Variants in SPOCK1 observed in about 807,000 individuals in gnomAD.
SPOCK1 encodes the protein SPARC (osteonectin), cwcv and kazal like domains proteoglycan 1, also known as testican-1.
In SPOCK1, 23 loss-of-function variants were observed where a neutral mutation model predicts 55.3. The ratio of observed to expected loss-of-function variants is 0.42; its 90% confidence interval spans 0.30 to 0.59. SPOCK1 has a LOEUF of 0.59. SPOCK1 is among the 20% of genes least tolerant of loss of function. The pLI is 0.22. For missense variants in SPOCK1, 499 were observed against 552.5 expected, an observed-to-expected ratio of 0.90 and a Z score of 0.97; for synonymous variants, 226 against 221.0, an observed-to-expected ratio of 1.02 and a Z score of -0.20.
chr5:137,435,629 T>C (rs866307842), intron 2 of SPOCK1, among the ~76,000 whole-genome samples: 1 of 152,192 alleles, frequency 6.6e-6, no homozygotes, highest in Admixed American at 6.5e-5. Flanking sequence ...TTTCTTTAAG[T>C]AAAGTGGGAG....
intron 2 of SPOCK1, among the ~76,000 whole-genome samples, chr5:137,474,316 G>A (rs934603418): frequency 9.2e-5 from 14 of 152,094 alleles, no homozygotes; most frequent in Non-Finnish European, 1.5e-4. Flanking sequence ...TGTATACACC[G>A]TAGAATACAA....
At chr5:137,003,091 TA>T (rs1409946176) in intron 6 of SPOCK1, among the ~76,000 whole-genome samples, 1 of 152,208 alleles carries the variant, frequency 6.6e-6, no homozygotes, top group East Asian at 1.9e-4. Flanking sequence ...ATACCATTTC[TA>T]AATCATAAAT....
intron 3 of SPOCK1, among the ~76,000 whole-genome samples, chr5:137,205,122 C>T (rs2127078354): frequency 6.6e-6 from 1 of 152,250 alleles, no homozygotes; most frequent in South Asian, 2.1e-4. Flanking sequence ...GTTGATCTCC[C>T]CACTAGACTA....
At chr5:137,305,001 G>A (rs772295002) in intron 2 of SPOCK1, among the ~76,000 whole-genome samples, 5 of 152,178 alleles carry the variant, frequency 3.3e-5, no homozygotes, top group Admixed American at 2.6e-4. Context: ...CAAAGCGTTG[G>A]CAGAGCCACA....
At chr5:137,348,789 T>C (rs1561511552) in intron 2 of SPOCK1, among the ~76,000 whole-genome samples, 1 of 152,038 alleles carries the variant, frequency 6.6e-6, no homozygotes, top group South Asian at 2.1e-4. Flanking sequence ...TAGAGAAAAA[T>C]AGCACAACAT....
In SPOCK1 at chr5:137,067,877, C is replaced by T. The variant is rs1752540179; in HGVS notation, c.475-48G>A. The T allele has an allele frequency of 2.0e-6, 3 of 1,494,734 alleles. No homozygotes were observed. In the South Asian group the frequency reaches 3.4e-5, roughly 17 times the overall value. The allele number at this position is 1,494,734 out of a possible 1,614,324, so 92.6% of individuals were successfully genotyped here. The stretch of plus-strand genomic sequence containing the variant: ...GTCTTAAGAATGCAGCCATAACAGA[C>T]CCCTACCCCGCCTCCTAAGAAACAG... On this transcript the variant is annotated intron_variant, in intron 5 of 10. Transcript: ENST00000394945.
chr5:137,232,664 GGGC>G (rs1756089278), intron 3 of SPOCK1, among the ~76,000 whole-genome samples: 1 of 152,134 alleles, frequency 6.6e-6, no homozygotes, highest in Non-Finnish European at 1.5e-5. Flanking sequence ...AGCTATTCTA[GGGC>G]CTGTGCCTTT....
At chr5:137,371,294 TG>T (rs1253614663) in intron 2 of SPOCK1, among the ~76,000 whole-genome samples, 1 of 152,214 alleles carries the variant, frequency 6.6e-6, no homozygotes, top group African/African-American at 2.4e-5. Context: ...CCACTTAAAC[TG>T]GTGGGGCCAG....
At chr5:137,247,466 T>C (rs965062693) in intron 3 of SPOCK1, among the ~76,000 whole-genome samples, 4 of 152,230 alleles carry the variant, frequency 2.6e-5, no homozygotes, top group African/African-American at 9.6e-5. Flanking sequence ...GTGTGATTTC[T>C]TTGCAATCTG....
intron 3 of SPOCK1, among the ~76,000 whole-genome samples, chr5:137,190,264 T>A (rs1343868980): frequency 6.6e-6 from 1 of 152,188 alleles, no homozygotes; most frequent in African/African-American, 2.4e-5. Flanking sequence ...CTACAGAGAA[T>A]TCTTTTGTGA....
chr5:137,350,574 T>C (rs1750655950), intron 2 of SPOCK1, among the ~76,000 whole-genome samples: 1 of 152,114 alleles, frequency 6.6e-6, no homozygotes, highest in Non-Finnish European at 1.5e-5. Flanking sequence ...TCTAGAAGGC[T>C]GGACTCAGCT....
chr5:137,036,302 T>G (rs1751883028), intron 6 of SPOCK1, among the ~76,000 whole-genome samples: 1 of 150,744 alleles, frequency 6.6e-6, no homozygotes, highest in Non-Finnish European at 1.5e-5. Context: ...TTTTTTTTTC[T>G]TTAACAATCA....
intron 3 of SPOCK1, among the ~76,000 whole-genome samples, chr5:137,160,618 T>TA (rs1754528434): frequency 1.2e-5 from 1 of 84,760 alleles, no homozygotes; most frequent in Non-Finnish European, 2.1e-5. Context: ...ATATATAATA[T>TA]ATATTTTATA....
At chr5:137,470,639 A>G (rs1268256786) in intron 2 of SPOCK1, among the ~76,000 whole-genome samples, 2 of 152,194 alleles carry the variant, frequency 1.3e-5, no homozygotes, top group East Asian at 1.9e-4. Context: ...TCTGCGGCCC[A>G]TGGAGACTGC....
At chr5:137,342,187 T>G (rs1750446566) in intron 2 of SPOCK1, among the ~76,000 whole-genome samples, 1 of 152,242 alleles carries the variant, frequency 6.6e-6, no homozygotes, top group Admixed American at 6.5e-5. Flanking sequence ...TTAGACCTAC[T>G]GTGGAGATGA....
At chr5:137,170,281 A>G (rs954574624) in intron 3 of SPOCK1, among the ~76,000 whole-genome samples, 5 of 151,872 alleles carry the variant, frequency 3.3e-5, no homozygotes, top group Middle Eastern at 3.2e-3. Flanking sequence ...TTTTTGATTC[A>G]TGGTTGGTTG....
At chr5:137,159,864 G>A (rs11742825) in intron 3 of SPOCK1, among the ~76,000 whole-genome samples, 27,121 of 152,016 alleles carry the variant, frequency 0.18, 3,258 homozygotes, top group East Asian at 0.39. Flanking sequence ...TGAGTCCCTT[G>A]AAGTCATTTA....
At position 137,097,587 on chromosome 5, in the gene SPOCK1, G is replaced by A. The variant is rs139841776; in HGVS notation, c.474+14848C>T. ...TGGGGATAAGGGGATGTCATAGAGAGCCAGGAGAACAACTGAGTGTGCAAA... is the reference window on the plus strand; with the variant it reads ...TGGGGATAAGGGGATGTCATAGAGAACCAGGAGAACAACTGAGTGTGCAAA... On this transcript the variant is annotated intron_variant, in intron 5 of 10. Coordinates refer to ENST00000394945, the MANE Select transcript of SPOCK1 (RefSeq NM_004598.4). 5.3e-5 allele frequency among the ~76,000 whole-genome samples: 8 copies of A among 152,300 alleles called. No individual in the cohort carries two copies. In the East Asian group the frequency reaches 1.5e-3, roughly 29 times the overall value.
chr5:137,434,039 C>T (rs1203348442), intron 2 of SPOCK1, among the ~76,000 whole-genome samples: 4 of 152,304 alleles, frequency 2.6e-5, no homozygotes, highest in Admixed American at 6.5e-5. Context: ...ATTTATAACA[C>T]ACAAGAAATC....
Sources: gnomAD v4.1 joint callset for allele counts (sites outside exome capture counted in the v4.1 genomes callset) on GRCh38, gnomAD v4.1.1 for gene constraint, MANE v1.5 for transcripts, NCBI Gene and HGNC (gene_info 2026-07-23, HGNC 2026-07-21) for gene names.